NKAIN2: variants seen among roughly 807,000 people sequenced by gnomAD.
The protein encoded by NKAIN2 is sodium/potassium transporting ATPase interacting 2.
NKAIN2 carries 14 observed loss-of-function variants against 32.6 expected under a neutral mutation model. That is an observed-to-expected ratio of 0.43 (90% CI 0.28 to 0.67). NKAIN2 has a LOEUF of 0.67. Among genes scored for constraint, NKAIN2 ranks in the 30% least tolerant of loss-of-function variants. The pLI, the probability that NKAIN2 is intolerant of heterozygous loss-of-function variation, is 0.17. For synonymous variants in NKAIN2, 80 were observed against 87.2 expected (o/e 0.92, Z 0.46); for missense variants, 198 against 258.3 (o/e 0.77, Z 1.60).
chr6:124,628,343 A>G (rs1783436572), intron 3 of NKAIN2, among the ~76,000 whole-genome samples: 1 of 152,150 alleles, frequency 6.6e-6, no homozygotes, highest in African/African-American at 2.4e-5. Flanking sequence ...TTGTTTGACT[A>G]AATATCAGAC....
chr6:123,907,705 C>T lies in NKAIN2; in HGVS notation c.54+103451C>T, dbSNP rs931774184. Among the ~76,000 whole-genome samples the T allele has an allele frequency of 4.6e-5, 7 of 152,210 alleles. No individual in the cohort carries two copies. In the East Asian group the frequency reaches 1.4e-3, roughly 29 times the overall value. On this transcript the variant is annotated intron_variant, in intron 1 of 6. Coordinates refer to ENST00000368417, the MANE Select transcript of NKAIN2 (RefSeq NM_001040214.3). ...CTCACCCCCCACTGCTGCCCCAGCC[C>T]AATGCATGAATCCATCCCCTCATTC...
chr6:123,836,712 AAT>A (rs1323464644), intron 1 of NKAIN2, among the ~76,000 whole-genome samples: 1 of 152,056 alleles, frequency 6.6e-6, no homozygotes, highest in Non-Finnish European at 1.5e-5. Flanking sequence ...AGTTCATTGT[AAT>A]GTACTAATGT....
intron 1 of NKAIN2, among the ~76,000 whole-genome samples, chr6:123,826,430 T>C (rs1159381433): frequency 1.3e-5 from 2 of 152,152 alleles, no homozygotes; most frequent in African/African-American, 4.8e-5. Context: ...TACATTCATA[T>C]TGTGGTGCAA....
At chr6:124,690,645 G>A (rs147496448) in intron 4 of NKAIN2, among the ~76,000 whole-genome samples, 22 of 152,200 alleles carry the variant, frequency 1.4e-4, no homozygotes, top group African/African-American at 4.8e-4. Flanking sequence ...AGGAGAAATT[G>A]TTCTTTTCAT....
At chr6:124,611,229 A>G (rs1239858229) in intron 3 of NKAIN2, among the ~76,000 whole-genome samples, 1 of 152,190 alleles carries the variant, frequency 6.6e-6, no homozygotes, top group African/African-American at 2.4e-5. Flanking sequence ...CATCAGGGTT[A>G]AAGGGCTAGA....
At chr6:124,291,331 C>T (rs1562474598) in intron 2 of NKAIN2, among the ~76,000 whole-genome samples, 1 of 145,980 alleles carries the variant, frequency 6.9e-6, no homozygotes, top group Non-Finnish European at 1.5e-5. Flanking sequence ...TAAATGTGAA[C>T]CTATTTAAAA....
intron 5 of NKAIN2, among the ~76,000 whole-genome samples, chr6:124,796,138 C>T (rs1381078703): frequency 6.6e-6 from 1 of 152,146 alleles, no homozygotes; most frequent in Non-Finnish European, 1.5e-5. Context: ...AGATGTGACA[C>T]TCCTTCCCCC....
chr6:124,082,566 A>C (rs1041504812), intron 1 of NKAIN2, among the ~76,000 whole-genome samples: 2 of 151,888 alleles, frequency 1.3e-5, no homozygotes, highest in Non-Finnish European at 2.9e-5. Flanking sequence ...AAAATTTTTA[A>C]AAAAACATTT....
chr6:124,355,263 A>G lies in NKAIN2; in HGVS notation c.193-4A>G. 6.3e-7 allele frequency: 1 copy of G among 1,584,026 alleles called. No homozygotes were observed. Among genetic ancestry groups the G allele is most frequent in the Non-Finnish European group, 8.7e-7 (1 of 1,153,044 alleles). On this transcript the variant is annotated splice_polypyrimidine_tract_variant and splice_region_variant and intron_variant, in intron 2 of 6. Coordinates refer to ENST00000368417, the MANE Select transcript of NKAIN2 (RefSeq NM_001040214.3). ...TACGTTATTTCTCTCTTGCTTCTCT[A>G]CAGTATGCTGTCTGGCTAGTCCTCT... is the stretch of plus-strand genomic sequence containing the variant.
intron 1 of NKAIN2, among the ~76,000 whole-genome samples, chr6:123,824,515 A>G (rs893169524): frequency 2.6e-5 from 4 of 152,084 alleles, no homozygotes; most frequent in South Asian, 2.1e-4. Context: ...ATCAGCTCCT[A>G]TGCACCTCAC....
chr6:124,019,362 T>G (rs1780754910), intron 1 of NKAIN2, among the ~76,000 whole-genome samples: 1 of 152,004 alleles, frequency 6.6e-6, no homozygotes, highest in South Asian at 2.1e-4. Context: ...CTTGATTATT[T>G]TTTCCAGAGA....
At chr6:123,808,715 A>T (rs1406935260) in intron 1 of NKAIN2, among the ~76,000 whole-genome samples, 3 of 152,148 alleles carry the variant, frequency 2.0e-5, no homozygotes, top group Non-Finnish European at 4.4e-5. Context: ...TGCCAGAGTC[A>T]TCTCTGGCAT....
At chr6:124,474,107 A>T (rs921824644) in intron 3 of NKAIN2, among the ~76,000 whole-genome samples, 1 of 149,662 alleles carries the variant, frequency 6.7e-6, no homozygotes, top group Non-Finnish European at 1.5e-5. Context: ...TTAGGACTGT[A>T]TTTTTTTTTT....
intron 1 of NKAIN2, chr6:124,121,810 A>T: frequency 2.8e-6 from 1 of 351,322 alleles, no homozygotes; most frequent in Non-Finnish European, 4.7e-6. Context: ...TTGTTGAATT[A>T]GTTGGGGTTG....
intron 1 of NKAIN2, among the ~76,000 whole-genome samples, chr6:124,138,686 G>A (rs907731663): frequency 1.4e-5 from 2 of 142,228 alleles, no homozygotes; most frequent in African/African-American, 5.5e-5. Flanking sequence ...TTATATAAGT[G>A]GATATATAAT....
intron 5 of NKAIN2, among the ~76,000 whole-genome samples, chr6:124,798,844 T>G (rs559501464): frequency 1.3e-5 from 2 of 152,150 alleles, no homozygotes; most frequent in African/African-American, 4.8e-5. Context: ...TCACTCAGGA[T>G]GGAAGAATAG....
intron 3 of NKAIN2, among the ~76,000 whole-genome samples, chr6:124,613,669 G>A (rs1255457229): frequency 6.6e-6 from 1 of 152,074 alleles, no homozygotes; most frequent in Non-Finnish European, 1.5e-5. Flanking sequence ...TTACAGATGG[G>A]GCAGTTAATA....
chr6:123,804,033 C>T lies in NKAIN2; in HGVS notation c.-168C>T. Reference sequence around the variant, plus strand: ...GCCGCCGCCGCCGCCGCCGCGCCAGCAGGTCCTAATGCCTGTCACTTCCCA... The same window carrying T: ...GCCGCCGCCGCCGCCGCCGCGCCAGTAGGTCCTAATGCCTGTCACTTCCCA... On this transcript the variant is annotated 5_prime_UTR_variant, in exon 1 of 7. Coordinates refer to ENST00000368417, the MANE Select transcript of NKAIN2 (RefSeq NM_001040214.3). The T allele has an allele frequency of 1.3e-5, 9 of 677,728 alleles. No individual in the cohort carries two copies. The South Asian group carries it at 1.4e-4, about 10-fold the overall frequency. The allele number at this position is 677,728 out of a possible 1,614,324, so 42.0% of individuals were successfully genotyped here.
intron 3 of NKAIN2, among the ~76,000 whole-genome samples, chr6:124,584,904 C>T (rs1781657300): frequency 6.6e-6 from 1 of 152,094 alleles, no homozygotes; most frequent in Non-Finnish European, 1.5e-5. Context: ...GGAAGTTCCT[C>T]AAAAAACTAA....
Sources: gnomAD v4.1 joint callset for allele counts (sites outside exome capture counted in the v4.1 genomes callset) on GRCh38, gnomAD v4.1.1 for gene constraint, MANE v1.5 for transcripts, NCBI Gene and HGNC (gene_info 2026-07-23, HGNC 2026-07-21) for gene names.